SELP: variants seen among roughly 807,000 people sequenced by gnomAD.
SELP encodes the protein P-selectin.
In SELP, 92 loss-of-function variants were observed where a neutral mutation model predicts 104.1. That is an observed-to-expected ratio of 0.88 (90% CI 0.75 to 1.05). SELP has a LOEUF of 1.05. Among genes scored for constraint, SELP ranks in the 50% least tolerant of loss-of-function variants. SELP has a pLI of 0.00. For missense variants in SELP, 1,022 were observed against 1,017.3 expected (o/e 1.00, Z -0.06); for synonymous variants, 397 against 364.5 (o/e 1.09, Z -1.01).
At chr1:169,592,307 T>C (rs769998879) in intron 14 of SELP, among the ~76,000 whole-genome samples, 5 of 152,228 alleles carry the variant, frequency 3.3e-5, no homozygotes, top group Non-Finnish European at 7.3e-5. Context: ...AATGTTTTGG[T>C]AGCATTGTAA....
At chr1:169,601,691 C>G (rs775367995) in intron 10 of SELP, among the ~76,000 whole-genome samples, 12 of 152,112 alleles carry the variant, frequency 7.9e-5, no homozygotes, top group Non-Finnish European at 1.5e-4. Context: ...AACACTAGCC[C>G]TATAATCAGA....
intron 8 of SELP, 81 bp downstream of exon 8, chr1:169,609,423 A>G: frequency 7.5e-7 from 1 of 1,341,622 alleles, no homozygotes; most frequent in Non-Finnish European, 1.0e-6. Flanking sequence ...TGATAAAGAA[A>G]GGCATGCCAA....
chr1:169,628,142 C>A (rs867203536), intron 1 of SELP, among the ~76,000 whole-genome samples: 26 of 152,302 alleles, frequency 1.7e-4, no homozygotes, highest in African/African-American at 5.5e-4. Context: ...GTGATCTATG[C>A]GCCTCGGCCT....
At chr1:169,607,155 G>C (rs1264030454) in intron 8 of SELP, 21 bp from the exon 9 acceptor site, 1 of 1,575,136 alleles carries the variant, frequency 6.3e-7, no homozygotes, top group Non-Finnish European at 8.7e-7. Context: ...AGGAAGTAAG[G>C]AATAAAGAAA....
intron 12 of SELP, 21 bp downstream of exon 12, chr1:169,595,904 G>A (rs957036583): frequency 6.2e-7 from 1 of 1,610,162 alleles, no homozygotes; most frequent in Non-Finnish European, 8.5e-7. Flanking sequence ...GTTCAGAACT[G>A]CCTGCTCCTT....
In SELP at chr1:169,617,401, C is replaced by G; in HGVS notation, c.108G>C (p.Gln36His). 6.2e-7 allele frequency: 1 copy of G among 1,613,890 alleles called. No homozygotes were observed. Among genetic ancestry groups the G allele is most frequent in the South Asian group, 1.1e-5 (1 of 91,062 alleles). Residue 36 changes from glutamine to histidine, a missense_variant, in exon 3 of 17, where the codon CAG becomes CAC. Gln to His is a conservative substitution (Grantham distance 24). Coordinates refer to ENST00000263686, the MANE Select transcript of SELP (RefSeq NM_003005.4). ...FSALISELTN[Q>H]KEVAAWTYHY... ...GATAAGTCCATGCTGCCACTTCTTT[C>G]TGGTTTGTTAGTTCTAGAGTAAAGG...
At chr1:169,593,186 A>G (rs1039732430) in intron 14 of SELP, among the ~76,000 whole-genome samples, 4 of 152,196 alleles carry the variant, frequency 2.6e-5, no homozygotes, top group Admixed American at 1.3e-4. Flanking sequence ...CTCACACTCT[A>G]ACAGAGTTGA....
chr1:169,614,220 A>G (rs764923538), intron 3 of SELP, among the ~76,000 whole-genome samples: 2 of 152,148 alleles, frequency 1.3e-5, no homozygotes, highest in African/African-American at 4.8e-5. Flanking sequence ...TTCACCTTTC[A>G]TTTGCTTCAA....
At chr1:169,589,966 T>C (rs534229638) in intron 16 of SELP, among the ~76,000 whole-genome samples, 181 bp downstream of exon 16, 2 of 152,376 alleles carry the variant, frequency 1.3e-5, no homozygotes, top group Admixed American at 6.5e-5. Context: ...TTTTGTGAAC[T>C]CTTTTGTAAC....
At chr1:169,606,871 T>A in intron 9 of SELP, 78 bp downstream of exon 9, 1 of 1,292,248 alleles carries the variant, frequency 7.7e-7, no homozygotes. Context: ...TCTTACATAG[T>A]TGTCACCTCT....
At chr1:169,608,567 T>G (rs1662321011) in intron 8 of SELP, among the ~76,000 whole-genome samples, 1 of 152,224 alleles carries the variant, frequency 6.6e-6, no homozygotes, top group Non-Finnish European at 1.5e-5. Flanking sequence ...TTGAATAATA[T>G]TCCACTGTAA....
rs3917841 is a variant in SELP at position 169,591,232 on chromosome 1, C to T, written c.2438+194G>A. Among the ~76,000 whole-genome samples the T allele has an allele frequency of 9.7e-3, 1,473 of 152,210 alleles. 26 individuals carry two copies. The highest frequency in any genetic ancestry group is 0.033 in the African/African-American group (1,368 of 41,540). On this transcript the variant is annotated intron_variant, in intron 15 of 16. Transcript: ENST00000263686. ...CTTGTTTTTATTATAAATTACTTTT[C>T]ATTTTATTCCTACTTTATATTTTAA...
At chr1:169,619,242 T>G in intron 1 of SELP, 23 bp from the exon 2 acceptor site, 1 of 1,570,416 alleles carries the variant, frequency 6.4e-7, no homozygotes, top group Non-Finnish European at 8.8e-7. Flanking sequence ...GAGAAAACTT[T>G]CTTTTAGTAT....
In SELP at chr1:169,607,677, C is replaced by T. The variant is rs182179096; in HGVS notation, c.1334-543G>A. ...AAGATGTAAAATAAATAACCATATA[C>T]GAAGAGAGCACACATATTCCATGTG... On this transcript the variant is annotated intron_variant, in intron 8 of 16. Transcript: ENST00000263686. Among the ~76,000 whole-genome samples, 109 of 152,106 alleles carry T rather than the reference C, an allele frequency of 7.2e-4. 1 individual carries two copies. The Middle Eastern group carries it at 0.01, about 14-fold the overall frequency.
At chr1:169,629,433 T>C (rs372158578) in intron 1 of SELP, among the ~76,000 whole-genome samples, 1 of 152,212 alleles carries the variant, frequency 6.6e-6, no homozygotes, top group East Asian at 1.9e-4. Context: ...TTAATCCTCA[T>C]GATGAAACTA....
intron 8 of SELP, among the ~76,000 whole-genome samples, chr1:169,608,147 C>CTTTTTTTTTT (rs200791706): frequency 7.2e-6 from 1 of 138,240 alleles, no homozygotes; most frequent in Non-Finnish European, 1.6e-5. Flanking sequence ...CTTGTTTTTT[C>CTTTTTTTTTT]TTTTTTTTTT....
intron 13 of SELP, among the ~76,000 whole-genome samples, chr1:169,594,306 GA>G (rs1557944952): frequency 1.3e-5 from 2 of 152,174 alleles, no homozygotes; most frequent in African/African-American, 4.8e-5. Context: ...TTTAATTAAG[GA>G]AGATCTGCTA....
At chr1:169,615,246 C>T (rs1174667049) in intron 3 of SELP, among the ~76,000 whole-genome samples, 2 of 152,160 alleles carry the variant, frequency 1.3e-5, no homozygotes, top group African/African-American at 4.8e-5. Context: ...TCTCATCTCC[C>T]ATGGATAATT....
intron 10 of SELP, among the ~76,000 whole-genome samples, chr1:169,601,532 C>A (rs922361840): frequency 2.0e-5 from 3 of 152,218 alleles, no homozygotes; most frequent in Non-Finnish European, 2.9e-5. Flanking sequence ...CCAACATATT[C>A]TCTCATCTGA....
Sources: allele counts gnomAD v4.1 joint callset (sites outside exome capture counted in the v4.1 genomes callset), GRCh38; gene constraint gnomAD v4.1.1; transcripts MANE v1.5; gene names NCBI Gene and HGNC (gene_info 2026-07-23, HGNC 2026-07-21).